PRDM11: variants seen among roughly 807,000 people sequenced by gnomAD.
PRDM11 encodes PR/SET domain 11.
In PRDM11, 20 loss-of-function variants were observed where a neutral mutation model predicts 97.8. The ratio of observed to expected loss-of-function variants is 0.20; its 90% CI spans 0.14 to 0.30. The LOEUF (loss-of-function observed/expected upper bound fraction) is 0.30, where lower values mean the gene tolerates loss of function less well. PRDM11 is among the 10% of genes least tolerant of loss of function. The probability of loss-of-function intolerance (pLI) is 1.00; values close to 1 mark genes in which losing one functional copy is unlikely to be tolerated. For missense variants in PRDM11, 1,139 were observed against 1,555.2 expected (o/e 0.73, Z 4.50); for synonymous variants, 599 against 637.7 (o/e 0.94, Z 0.91).
chr11:45,128,775 A>G (rs1852647489), intron 1 of PRDM11, among the ~76,000 whole-genome samples: 1 of 152,170 alleles, frequency 6.6e-6, no homozygotes, highest in South Asian at 2.1e-4. Flanking sequence ...CAGAAAAAAG[A>G]GAAATAAAAA....
intron 1 of PRDM11, among the ~76,000 whole-genome samples, chr11:45,098,733 G>A (rs1171647119): frequency 1.3e-5 from 2 of 152,164 alleles, no homozygotes; most frequent in African/African-American, 2.4e-5. Flanking sequence ...ATTTTCCCAG[G>A]TGAGGAAGTT....
chr11:45,225,821 C>A (rs1295339930), intron 7 of PRDM11, among the ~76,000 whole-genome samples, 174 bp from the exon 8 acceptor site: 2 of 152,166 alleles, frequency 1.3e-5, no homozygotes, highest in Non-Finnish European at 2.9e-5. Context: ...GTCACATGGG[C>A]AAGCAGGAGT....
intron 1 of PRDM11, among the ~76,000 whole-genome samples, chr11:45,120,897 A>T (rs550642192): frequency 4.6e-5 from 7 of 152,184 alleles, no homozygotes; most frequent in African/African-American, 1.7e-4. Flanking sequence ...AGAGCAGATA[A>T]AGTTGAGTTA....
chr11:45,127,638 C>G (rs1473626886), intron 1 of PRDM11, among the ~76,000 whole-genome samples: 1 of 152,204 alleles, frequency 6.6e-6, no homozygotes, highest in Non-Finnish European at 1.5e-5. Context: ...GCAGCGGTGG[C>G]TGCAGAACAG....
intron 1 of PRDM11, chr11:45,096,044 C>T: frequency 1.5e-6 from 1 of 669,888 alleles, no homozygotes; most frequent in Admixed American, 2.2e-5. Flanking sequence ...ATTGTCCTTT[C>T]TGTCTAACAT....
At chr11:45,143,995 C>T (rs1292702530), upstream of PRDM11, among the ~76,000 whole-genome samples, 1 of 152,178 alleles carries the variant, frequency 6.6e-6, no homozygotes, top group African/African-American at 2.4e-5. Context: ...CCGTGGTGAT[C>T]ACACTCAGGG....
intron 1 of PRDM11, among the ~76,000 whole-genome samples, chr11:45,174,341 C>T (rs1056847187): frequency 2.0e-5 from 3 of 152,188 alleles, no homozygotes; most frequent in Admixed American, 1.3e-4. Context: ...CTTAGGATGA[C>T]GGCCGCTAAC....
chr11:45,122,799 C>G (rs1419351466), intron 1 of PRDM11, among the ~76,000 whole-genome samples: 9 of 152,198 alleles, frequency 5.9e-5, no homozygotes, highest in Admixed American at 2.6e-4. Context: ...CCACAGTAAA[C>G]ATACATGTGC....
chr11:45,207,612 TG>T, intron 5 of PRDM11, among the ~76,000 whole-genome samples: 2 of 152,334 alleles, frequency 1.3e-5, no homozygotes, highest in East Asian at 3.9e-4. Flanking sequence ...CTGATAGCCC[TG>T]GACAGTGACA....
intron 5 of PRDM11, among the ~76,000 whole-genome samples, chr11:45,210,417 A>G (rs1049306474): frequency 1.3e-5 from 2 of 152,172 alleles, no homozygotes; most frequent in African/African-American, 2.4e-5. Context: ...GGGGAGCACT[A>G]AAGGCCTCCG....
chr11:45,223,265 T>C (rs190746971), intron 6 of PRDM11, among the ~76,000 whole-genome samples: 1 of 152,176 alleles, frequency 6.6e-6, no homozygotes, highest in Non-Finnish European at 1.5e-5. Flanking sequence ...TGAGCACCAC[T>C]GCACTTCAGC....
At chr11:45,105,592 G>A (rs181009882) in intron 1 of PRDM11, among the ~76,000 whole-genome samples, 37 of 152,342 alleles carry the variant, frequency 2.4e-4, no homozygotes, top group Middle Eastern at 3.4e-3. Flanking sequence ...CCCTCCAGCC[G>A]TGGTGACAGC....
At chr11:45,095,875 C>T (rs761422460) in exon 1 of PRDM11, 3 of 780,896 alleles carry the variant, frequency 3.8e-6, no homozygotes, top group South Asian at 2.7e-5. Flanking sequence ...GAGATGCTCA[C>T]CTCTCTTCCT....
chr11:45,157,794 C>T (rs938622575), intron 1 of PRDM11, among the ~76,000 whole-genome samples: 1 of 152,202 alleles, frequency 6.6e-6, no homozygotes, highest in Admixed American at 6.5e-5. Flanking sequence ...CACTGCCTGC[C>T]CTACTAGAGC....
At chr11:45,124,899 G>C (rs2135634946) in intron 1 of PRDM11, among the ~76,000 whole-genome samples, 2 of 152,294 alleles carry the variant, frequency 1.3e-5, no homozygotes, top group South Asian at 4.1e-4. Context: ...GATTGGAATA[G>C]TTTCAGAAGG....
chr11:45,122,812 G>A (rs558602106), intron 1 of PRDM11, among the ~76,000 whole-genome samples: 1 of 152,286 alleles, frequency 6.6e-6, no homozygotes, highest in Non-Finnish European at 1.5e-5. Context: ...ACATGTGCAT[G>A]TGTCTTTATA....
chr11:45,210,306 C>T (rs1395724593), intron 5 of PRDM11, among the ~76,000 whole-genome samples: 1 of 152,238 alleles, frequency 6.6e-6, no homozygotes, highest in South Asian at 2.1e-4. Flanking sequence ...CCTGCCTTTC[C>T]TCTCTACTTC....
Position 45,181,761 on chromosome 11 carries a change from G to A in PRDM11, c.-6G>A. 1 of 1,612,188 alleles carries A rather than the reference G, an allele frequency of 6.2e-7. No individual in the cohort carries two copies. Among genetic ancestry groups the A allele is most frequent in the Non-Finnish European group, 8.5e-7 (1 of 1,179,216 alleles). On this transcript the variant is annotated splice_region_variant and 5_prime_UTR_variant, in exon 2 of 8. Coordinates refer to ENST00000683152, the MANE Select transcript of PRDM11 (RefSeq NM_001384648.1). Reference sequence around the variant, plus strand: ...GCTGGTCCCACCTCCTGCGTCCCAGGACAGAATGACCGAGAACATGAAGGA... The same window carrying A: ...GCTGGTCCCACCTCCTGCGTCCCAGAACAGAATGACCGAGAACATGAAGGA...
At chr11:45,183,267 C>T in intron 4 of PRDM11, 144 bp downstream of exon 4, 4 of 1,198,864 alleles carry the variant, frequency 3.3e-6, no homozygotes, top group Non-Finnish European at 4.5e-6. Context: ...CTTGCTGTCC[C>T]CTGGCCCCGG....
Sources: allele counts gnomAD v4.1 joint callset (sites outside exome capture counted in the v4.1 genomes callset), GRCh38; gene constraint gnomAD v4.1.1; transcripts MANE v1.5; gene names NCBI Gene and HGNC (gene_info 2026-07-23, HGNC 2026-07-21).